Variants in ARHGEF37 observed in about 807,000 individuals in gnomAD.
ARHGEF37 encodes the protein Rho guanine nucleotide exchange factor 37, also known as Rho guanine nucleotide exchange factor (GEF) 37.
In ARHGEF37, 55 loss-of-function variants were observed where a neutral mutation model predicts 71.1. The observed-to-expected ratio is 0.77, with a 90% confidence interval of 0.62 to 0.97. The LOEUF is 0.97. Among genes scored for constraint, ARHGEF37 ranks in the 50% least tolerant of loss-of-function variants. The pLI is 0.00. For missense variants in ARHGEF37, 765 were observed against 836.8 expected, an observed-to-expected ratio of 0.91 and a Z score of 1.06; for synonymous variants, 327 against 350.6, an observed-to-expected ratio of 0.93 and a Z score of 0.75.
At chr5:149,578,307 C>T (rs1041336296), upstream of ARHGEF37, among the ~76,000 whole-genome samples, 1 of 152,184 alleles carries the variant, frequency 6.6e-6, no homozygotes, top group African/African-American at 2.4e-5. Context: ...GTGCTGCTTA[C>T]TTTAGTAAAA....
chr5:149,574,659 C>A lies in ARHGEF37; in HGVS notation c.-12+22536C>A, dbSNP rs1284149022. On this transcript the variant is annotated intron_variant, in intron 1 of 2. Transcript: ENST00000505810. The stretch of plus-strand genomic sequence containing the variant: ...CAAACTTCCCTCTCTCAGAACCTTA[C>A]ATCCATCTTCCTGTTGACACCTTCA... Among the ~76,000 whole-genome samples the A allele has an allele frequency of 3.3e-5, 5 of 152,222 alleles. No individual in the cohort carries two copies. In the East Asian group the frequency reaches 7.7e-4, roughly 23 times the overall value.
At chr5:149,598,455 T>C (rs1434088408) in intron 2 of ARHGEF37, among the ~76,000 whole-genome samples, 1 of 137,156 alleles carries the variant, frequency 7.3e-6, no homozygotes, top group Non-Finnish European at 1.7e-5. Context: ...TCTTCTTTCT[T>C]CTTCCTCTTC....
At chr5:149,608,052 G>A (rs554461802) in intron 3 of ARHGEF37, among the ~76,000 whole-genome samples, 37 of 152,142 alleles carry the variant, frequency 2.4e-4, no homozygotes, top group South Asian at 8.3e-4. Context: ...ACAGGCATGA[G>A]CCACCGGGCC....
intron 1 of ARHGEF37, 80 bp from the exon 2 acceptor site, chr5:149,597,678 GA>G: frequency 7.7e-7 from 1 of 1,302,616 alleles, no homozygotes; most frequent in Non-Finnish European, 1.0e-6. Flanking sequence ...GCCTCTTGAT[GA>G]GTAATTGTCA....
rs1179404964 is a variant in ARHGEF37 at position 149,621,696 on chromosome 5, C to T, written c.1006-37C>T. ...TCTCACAGCCCCTGCCCTTTGCCACCTCCTTTCCCGACTCCCACGCTCATG... is the reference window on the plus strand; with the variant it reads ...TCTCACAGCCCCTGCCCTTTGCCACTTCCTTTCCCGACTCCCACGCTCATG... On this transcript the variant is annotated intron_variant, in intron 8 of 12. Transcript: ENST00000333677. The T allele has an allele frequency of 3.8e-6, 6 of 1,574,394 alleles. No individual in the cohort carries two copies. In the South Asian group the frequency reaches 6.0e-5, roughly 16 times the overall value.
At chr5:149,565,602 G>A (rs1762887832) in intron 1 of ARHGEF37, among the ~76,000 whole-genome samples, 1 of 152,196 alleles carries the variant, frequency 6.6e-6, no homozygotes, top group Non-Finnish European at 1.5e-5. Context: ...ATGTCTCTAA[G>A]GCTGTAAGCA....
chr5:149,605,021 G>A (rs1420882413), intron 3 of ARHGEF37, among the ~76,000 whole-genome samples: 1 of 151,878 alleles, frequency 6.6e-6, no homozygotes, highest in Non-Finnish European at 1.5e-5. Context: ...GAGGTCAGGA[G>A]TTCGAGACCA....
rs11334969 is a variant in ARHGEF37 at position 149,561,272 on chromosome 5, CAA to C, written c.-12+9168_-12+9169del. ...TGGGCAACAGAGCAAGACTCTGTCT[CAA>C]AAAAAAAAAAAAAAAAAAGGCAATA... On this transcript the variant is annotated intron_variant, in intron 1 of 2. Coordinates refer to the ARHGEF37 transcript ENST00000505810. Among the ~76,000 whole-genome samples the C allele has an allele frequency of 9.6e-3, 605 of 63,222 alleles. 4 individuals are homozygous for C. The East Asian group carries it at 0.12, about 12-fold the overall frequency. The allele number at this position is 63,222 out of a possible 152,430, so 41.5% of individuals were successfully genotyped here. A position where few individuals can be genotyped will look rare whatever the true frequency, so the allele number is the denominator to read the frequency against.
upstream of ARHGEF37, among the ~76,000 whole-genome samples, chr5:149,577,590 A>C (rs1763041387): frequency 6.6e-6 from 1 of 152,238 alleles, no homozygotes; most frequent in Admixed American, 6.5e-5. Flanking sequence ...AGCTAAACTT[A>C]TAAAAGGTTG....
chr5:149,557,714 C>T (rs759740465), intron 1 of ARHGEF37, among the ~76,000 whole-genome samples: 1 of 152,120 alleles, frequency 6.6e-6, no homozygotes, highest in Non-Finnish European at 1.5e-5. Flanking sequence ...AACTTCAAAC[C>T]CATTTGAGAC....
chr5:149,575,365 C>G (rs1763014174), intron 1 of ARHGEF37, among the ~76,000 whole-genome samples: 1 of 152,212 alleles, frequency 6.6e-6, no homozygotes, highest in African/African-American at 2.4e-5. Context: ...CGTTGGCTGC[C>G]TACCTAAGAG....
chr5:149,578,123 G>A (rs1416029717), upstream of ARHGEF37, among the ~76,000 whole-genome samples: 3 of 152,196 alleles, frequency 2.0e-5, no homozygotes, highest in Non-Finnish European at 4.4e-5. Context: ...CACAGCGCCT[G>A]TCTATATTAC....
chr5:149,557,241 C>T (rs1179628715), intron 1 of ARHGEF37, among the ~76,000 whole-genome samples: 6 of 152,226 alleles, frequency 3.9e-5, no homozygotes, highest in Middle Eastern at 6.8e-3. Flanking sequence ...CCATTACGCC[C>T]GAGACCCAGG....
At chr5:149,604,746 A>G (rs1330737233) in intron 3 of ARHGEF37, among the ~76,000 whole-genome samples, 2 of 141,242 alleles carry the variant, frequency 1.4e-5, no homozygotes, top group Non-Finnish European at 3.0e-5. Context: ...ACAGTGGTGC[A>G]ATCTTAGCTC....
At chr5:149,564,603 T>C (rs1406842807) in intron 1 of ARHGEF37, among the ~76,000 whole-genome samples, 2 of 152,114 alleles carry the variant, frequency 1.3e-5, no homozygotes, top group Non-Finnish European at 2.9e-5. Flanking sequence ...GGCAGGTGGA[T>C]CACCTGAGGC....
intron 1 of ARHGEF37, among the ~76,000 whole-genome samples, chr5:149,560,269 C>G (rs951613380): frequency 1.3e-5 from 2 of 152,134 alleles, no homozygotes; most frequent in Non-Finnish European, 2.9e-5. Context: ...GCATGCGCCA[C>G]CACGCCCGAC....
rs1231698500 is a variant in ARHGEF37 at position 149,616,567 on chromosome 5, G to A, written c.459G>A (p.Val153=). 2 of 1,604,684 alleles carry A rather than the reference G, an allele frequency of 1.2e-6. No individual in the cohort carries two copies. The highest frequency in any genetic ancestry group is 1.3e-5 in the African/African-American group (1 of 74,782). The change falls in exon 5 of 13, where the codon GTG becomes GTA. Residue 153 remains valine, a splice_region_variant and synonymous_variant. Coordinates refer to ENST00000333677, the MANE Select transcript of ARHGEF37 (RefSeq NM_001001669.3). ...RHIQGIVEAV[V]PQAGSSGLSF... ...GCCTAATACCAGCCTTCTCCCTCAG[G>A]CCGCAAGCTGGATCTTCAGGCCTCA... is the stretch of plus-strand genomic sequence containing the variant.
chr5:149,584,753 C>A (rs1431068235), intron 1 of ARHGEF37, among the ~76,000 whole-genome samples: 1 of 151,940 alleles, frequency 6.6e-6, no homozygotes, highest in African/African-American at 2.4e-5. Flanking sequence ...GGGATTGTAG[C>A]TGGGATTACA....
intron 6 of ARHGEF37, 131 bp from the exon 7 acceptor site, chr5:149,618,807 T>C: frequency 4.1e-6 from 3 of 733,436 alleles, no homozygotes; most frequent in East Asian, 5.0e-5. Flanking sequence ...CCTCTCAGCT[T>C]TGGGGTTGCG....
Sources: gnomAD v4.1 joint callset for allele counts (sites outside exome capture counted in the v4.1 genomes callset) on GRCh38, gnomAD v4.1.1 for gene constraint, MANE v1.5 for transcripts, NCBI Gene and HGNC (gene_info 2026-07-23, HGNC 2026-07-21) for gene names.